The following PTPRQ variants were observed in gnomAD, a reference collection of about 807,000 sequenced individuals.
The protein encoded by PTPRQ is phosphatidylinositol phosphatase PTPRQ.
In PTPRQ, 199 loss-of-function variants were observed where a neutral mutation model predicts 246.0. The observed-to-expected ratio is 0.81, with a 90% confidence interval of 0.72 to 0.91. PTPRQ has a LOEUF of 0.91. Ranked by LOEUF, PTPRQ falls within the 40% of genes least tolerant of loss-of-function variation. The pLI is 0.00. For synonymous variants in PTPRQ, 869 were observed against 853.2 expected (o/e 1.02, Z -0.32); for missense variants, 2,624 against 2,528.4 (o/e 1.04, Z -0.81).
chr12:80,580,359 C>T (rs1897395875), intron 25 of PTPRQ, among the ~76,000 whole-genome samples: 1 of 152,166 alleles, frequency 6.6e-6, no homozygotes, highest in Non-Finnish European at 1.5e-5. Flanking sequence ...TCTAAGCAAG[C>T]TGTGTGATTA....
chr12:80,463,284 G>A (rs1001523776), intron 6 of PTPRQ, among the ~76,000 whole-genome samples: 8 of 152,134 alleles, frequency 5.3e-5, no homozygotes, highest in Non-Finnish European at 1.2e-4. Flanking sequence ...AAGATGAAAT[G>A]AATGAAATGA....
At chr12:80,449,115 C>A (rs1219471267) in intron 3 of PTPRQ, among the ~76,000 whole-genome samples, 1 of 151,484 alleles carries the variant, frequency 6.6e-6, no homozygotes, top group African/African-American at 2.4e-5. Flanking sequence ...TTGCATTTCT[C>A]TGATGGCCAG....
chr12:80,637,562 A>G (rs1899703380), intron 35 of PTPRQ, among the ~76,000 whole-genome samples: 1 of 152,216 alleles, frequency 6.6e-6, no homozygotes, highest in African/African-American at 2.4e-5. Flanking sequence ...TTCCAATGGC[A>G]CATAATAACA....
intron 43 of PTPRQ, among the ~76,000 whole-genome samples, chr12:80,677,448 T>A (rs1375631413): frequency 6.6e-6 from 1 of 152,224 alleles, no homozygotes; most frequent in Non-Finnish European, 1.5e-5. Flanking sequence ...TGAATTTTCT[T>A]TAAATTACAT....
intron 8 of PTPRQ, among the ~76,000 whole-genome samples, chr12:80,473,198 C>T (rs1408422350): frequency 2.0e-5 from 3 of 152,014 alleles, no homozygotes; most frequent in Non-Finnish European, 4.4e-5. Context: ...ATAAAAGTTA[C>T]GTTTTATCTA....
At chr12:80,489,896 T>C (rs1894391458) in intron 9 of PTPRQ, among the ~76,000 whole-genome samples, 2 of 151,930 alleles carry the variant, frequency 1.3e-5, no homozygotes, top group South Asian at 4.1e-4. Flanking sequence ...TATTGCTGCC[T>C]AGTATTACAG....
At chr12:80,465,148 TGCAATAAAAAATGATAAA>T (rs1369555379) in intron 6 of PTPRQ, 2 of 144,982 alleles carry the variant, frequency 1.4e-5, no homozygotes, top group Non-Finnish European at 3.0e-5. Context: ...ATCAAATAGA[TGCAATAAAAAATGATAAA>T]GGGGATATTA....
intron 43 of PTPRQ, among the ~76,000 whole-genome samples, chr12:80,673,964 C>A (rs1901056021): frequency 6.6e-6 from 1 of 152,020 alleles, no homozygotes. Context: ...CTTATTTAAT[C>A]TTTATTAAAT....
chr12:80,459,157 A>G (rs879836366), intron 4 of PTPRQ, 127 bp from the exon 5 acceptor site: 4 of 395,142 alleles, frequency 1.0e-5, no homozygotes, highest in Non-Finnish European at 1.8e-5. Context: ...TACATTTATA[A>G]AAATCTTACA....
chr12:80,460,850 T>C lies in PTPRQ; in HGVS notation c.858T>C (p.Ala286=). ...YTTYLFEVSA[A]TTEAGYIDST... ...CATATCTTTTTGAAGTTTCAGCTGC[T>C]ACAACTGAAGCAGGTTATATTGATA... The change falls in exon 6 of 45, where the codon GCT becomes GCC. Residue 286 remains alanine (A), a synonymous_variant. Coordinates refer to ENST00000644991, the MANE Select transcript of PTPRQ (RefSeq NM_001145026.2). The C allele has an allele frequency of 2.5e-6, 1 of 400,740 alleles. No individual in the cohort carries two copies. The highest frequency in any genetic ancestry group is 4.4e-6 in the Non-Finnish European group (1 of 226,204). The allele number at this position is 400,740 out of a possible 1,614,324, so 24.8% of individuals were successfully genotyped here. A position where few individuals can be genotyped will look rare whatever the true frequency, so the allele number is the denominator to read the frequency against.
rs1049430064 is a variant in PTPRQ, at chr12:80,538,112, G to GA, written c.2986-1655dup. Among the ~76,000 whole-genome samples, 16 of 149,798 alleles carry GA rather than the reference G, an allele frequency of 1.1e-4. 1 individual carries two copies. The highest frequency in any genetic ancestry group is 2.1e-4 in the South Asian group (1 of 4,758). ...CAACAGAGTGAGACTCTGTTTTAAA[G>GA]AAAAAAAAAGTGTTAAATGAATATT... On this transcript the variant is annotated intron_variant, in intron 19 of 44. Coordinates refer to ENST00000644991, the MANE Select transcript of PTPRQ (RefSeq NM_001145026.2).
chr12:80,634,991 G>T lies in PTPRQ; in HGVS notation c.5833G>T (p.Ala1945Ser). The T allele has an allele frequency of 6.4e-7, 1 of 1,551,368 alleles. No individual in the cohort carries two copies. The highest frequency in any genetic ancestry group is 2.4e-5 in the East Asian group (1 of 40,904). ...AGGTGGCACATACTCTCCTCAGGAT[G>T]CAGAAATTATTGACACTAAATTGAA... ...KEGGTYSPQDAEIIDTKLKLD... is the reference protein window; with the variant it reads ...KEGGTYSPQDSEIIDTKLKLD... The change falls in exon 35 of 45, where the codon GCA becomes TCA. Residue 1945 changes from alanine (A) to serine (S), a missense_variant. Physicochemically the swap from Ala to Ser is moderately conservative, Grantham distance 99. Coordinates refer to ENST00000644991, the MANE Select transcript of PTPRQ (RefSeq NM_001145026.2).
At chr12:80,523,817 T>C (rs1392321336) in intron 17 of PTPRQ, among the ~76,000 whole-genome samples, 4 of 152,240 alleles carry the variant, frequency 2.6e-5, no homozygotes, top group African/African-American at 9.6e-5. Context: ...GGTGTGGTGT[T>C]GTGCTGAAAA....
chr12:80,537,692 C>A (rs1896028545), intron 19 of PTPRQ, among the ~76,000 whole-genome samples: 1 of 152,156 alleles, frequency 6.6e-6, no homozygotes, highest in South Asian at 2.1e-4. Flanking sequence ...ACTTGGCAAT[C>A]CATATTGTTC....
chr12:80,637,282 G>A (rs565135740), intron 35 of PTPRQ, among the ~76,000 whole-genome samples: 108 of 152,076 alleles, frequency 7.1e-4, no homozygotes, highest in African/African-American at 2.5e-3. Context: ...TGTACAGATT[G>A]TTTACTATTG....
At chr12:80,613,012 AG>A (rs1291024437) in intron 28 of PTPRQ, among the ~76,000 whole-genome samples, 1 of 150,542 alleles carries the variant, frequency 6.6e-6, no homozygotes, top group African/African-American at 2.4e-5. Flanking sequence ...GAGTTTCTTT[AG>A]GGTGATGTAA....
chr12:80,514,579 T>C (rs1895228779), intron 17 of PTPRQ, among the ~76,000 whole-genome samples: 1 of 143,566 alleles, frequency 7.0e-6, no homozygotes, highest in Admixed American at 7.2e-5. Context: ...TACAAATATA[T>C]ATATTATATA....
intron 17 of PTPRQ, among the ~76,000 whole-genome samples, chr12:80,523,805 T>C (rs1330459269): frequency 6.6e-6 from 1 of 152,220 alleles, no homozygotes; most frequent in Non-Finnish European, 1.5e-5. Context: ...AATTTTGGAA[T>C]AGGTGTGGTG....
chr12:80,480,277 G>C (rs1448891960), intron 8 of PTPRQ, among the ~76,000 whole-genome samples: 1 of 152,080 alleles, frequency 6.6e-6, no homozygotes, highest in African/African-American at 2.4e-5. Flanking sequence ...ATGACTACTG[G>C]GTACATAATG....
Sources: allele counts gnomAD v4.1 joint callset (sites outside exome capture counted in the v4.1 genomes callset), GRCh38; gene constraint gnomAD v4.1.1; transcripts MANE v1.5; gene names NCBI Gene and HGNC (gene_info 2026-07-23, HGNC 2026-07-21).